Variants in MAP2 observed in about 807,000 individuals in gnomAD.
MAP2 encodes the protein microtubule associated protein 2, also known as microtubule-associated protein 2.
MAP2 carries 14 observed loss-of-function variants against 137.6 expected under a neutral mutation model. That is an observed-to-expected ratio of 0.10 (90% CI 0.07 to 0.16). MAP2 has a LOEUF of 0.16. Among genes scored for constraint, MAP2 ranks in the 10% least tolerant of loss-of-function variants. The probability of loss-of-function intolerance (pLI) is 1.00; values close to 1 mark genes in which losing one functional copy is unlikely to be tolerated. For missense variants in MAP2, 2,088 were observed against 2,191.5 expected (o/e 0.95, Z 0.94); for synonymous variants, 786 against 782.3 (o/e 1.00, Z -0.08).
chr2:209,550,776 C>G (rs923591252), intron 2 of MAP2, among the ~76,000 whole-genome samples: 1 of 152,170 alleles, frequency 6.6e-6, no homozygotes, highest in Non-Finnish European at 1.5e-5. Context: ...TCTGGAAACA[C>G]TTCCTACTTG....
At chr2:209,700,044 T>C (rs535053237) in intron 10 of MAP2, among the ~76,000 whole-genome samples, 1 of 152,364 alleles carries the variant, frequency 6.6e-6, no homozygotes, top group South Asian at 2.1e-4. Flanking sequence ...TGTGCTTACC[T>C]GCACTTTGGT....
intron 15 of MAP2, 32 bp downstream of exon 15, chr2:209,729,994 T>TC (rs1491073747): frequency 8.0e-6 from 10 of 1,248,746 alleles, no homozygotes; most frequent in Non-Finnish European, 1.1e-5. Context: ...CAATCTTGTC[T>TC]TTTTAAAAAA....
intron 11 of MAP2, among the ~76,000 whole-genome samples, chr2:209,703,407 C>G (rs1489601373): frequency 6.6e-6 from 1 of 151,962 alleles, no homozygotes; most frequent in Non-Finnish European, 1.5e-5. Flanking sequence ...ACCTTAAAGG[C>G]TGTGTTTATT....
At chr2:209,636,995 C>T (rs905987178) in intron 4 of MAP2, among the ~76,000 whole-genome samples, 3 of 152,134 alleles carry the variant, frequency 2.0e-5, no homozygotes, top group African/African-American at 7.2e-5. Flanking sequence ...TGTAGAGCTT[C>T]GTCAGGTGAA....
At chr2:209,633,442 A>G (rs1464974468) in intron 4 of MAP2, among the ~76,000 whole-genome samples, 2 of 152,168 alleles carry the variant, frequency 1.3e-5, no homozygotes, top group African/African-American at 4.8e-5. Flanking sequence ...ACCGCTTCCA[A>G]AACCATGTTA....
intron 1 of MAP2, among the ~76,000 whole-genome samples, chr2:209,484,700 A>G (rs1303690594): frequency 1.3e-5 from 2 of 152,134 alleles, no homozygotes; most frequent in African/African-American, 4.8e-5. Context: ...AAACAAACAA[A>G]CAAACAAAAA....
intron 2 of MAP2, among the ~76,000 whole-genome samples, chr2:209,571,768 C>G (rs776857495): frequency 2.6e-4 from 39 of 151,902 alleles, no homozygotes; most frequent in Admixed American, 2.2e-3. Context: ...ATTTCATGAG[C>G]TTAGGTGGTA....
At chr2:209,656,879 T>G (rs2095182221) in intron 5 of MAP2, among the ~76,000 whole-genome samples, 1 of 152,198 alleles carries the variant, frequency 6.6e-6, no homozygotes, top group South Asian at 2.1e-4. Flanking sequence ...GTCACCTGAA[T>G]AGTGAACATT....
At chr2:209,575,858 G>A (rs1275473877) in intron 2 of MAP2, among the ~76,000 whole-genome samples, 1 of 152,124 alleles carries the variant, frequency 6.6e-6, no homozygotes, top group African/African-American at 2.4e-5. Context: ...TAAGTGCTAT[G>A]GAAAAAAGTA....
intron 1 of MAP2, among the ~76,000 whole-genome samples, chr2:209,495,548 T>C (rs939912612): frequency 1.1e-4 from 16 of 152,180 alleles, no homozygotes; most frequent in African/African-American, 3.6e-4. Flanking sequence ...GCAAAGAGGG[T>C]CTGGAGTGGA....
chr2:209,573,087 CAG>C (rs2074670897), intron 2 of MAP2, among the ~76,000 whole-genome samples: 1 of 152,074 alleles, frequency 6.6e-6, no homozygotes, highest in African/African-American at 2.4e-5. Context: ...CCACATGAAT[CAG>C]AGTCTCATGG....
chr2:209,725,804 T>G lies in MAP2; in HGVS notation c.5155+14T>G. ...GCCACAGGCCAGGTAAATAAATAAT[T>G]TTTAGTAGTTTGAGAAATATTTAAC... On this transcript the variant is annotated intron_variant, in intron 14 of 15. Transcript: ENST00000682079. 1.3e-6 allele frequency: 2 copies of G among 1,539,796 alleles called. No individual in the cohort carries two copies. The highest frequency in any genetic ancestry group is 1.8e-6 in the Non-Finnish European group (2 of 1,140,056).
At chr2:209,557,833 A>C (rs956543840) in intron 2 of MAP2, among the ~76,000 whole-genome samples, 4 of 152,150 alleles carry the variant, frequency 2.6e-5, no homozygotes, top group Admixed American at 6.5e-5. Flanking sequence ...AGGGAGTTAG[A>C]ATTCGGCTTA....
chr2:209,448,027 G>T (rs1699487958), intron 1 of MAP2, among the ~76,000 whole-genome samples: 1 of 152,040 alleles, frequency 6.6e-6, no homozygotes, highest in Non-Finnish European at 1.5e-5. Flanking sequence ...CAAGCTGTCT[G>T]GTGATTCAGA....
At chr2:209,536,077 T>A (rs1456826630) in intron 2 of MAP2, among the ~76,000 whole-genome samples, 7 of 152,214 alleles carry the variant, frequency 4.6e-5, no homozygotes, top group Non-Finnish European at 2.9e-5. Context: ...AAATTGGTAT[T>A]TTAACTATTA....
In MAP2 at chr2:209,653,309, G is replaced by A. The variant is rs771280922; in HGVS notation, c.139G>A (p.Gly47Arg). 5.6e-6 allele frequency: 9 copies of A among 1,614,146 alleles called. No homozygotes were observed. The Admixed American group carries it at 1.5e-4, about 27-fold the overall frequency. ...GGAAGGACTTGTCCGAAGCGCCAAT[G>A]GATTCCCATACAGGGAGGATGAAGA... The part of the protein sequence containing the change: ...AGEGLVRSAN[G>R]FPYREDEEGA... Residue 47 changes from glycine (G) to arginine (R), a missense_variant, in exon 5 of 16, where the codon GGA becomes AGA. This residue lies in a region of MAP2 where 859 missense variants were observed against 794.5 expected (regional missense o/e 1.08). Coordinates refer to ENST00000682079, the MANE Select transcript of MAP2 (RefSeq NM_001375505.1).
intron 2 of MAP2, among the ~76,000 whole-genome samples, chr2:209,522,543 TCAAG>T (rs1327338119): frequency 7.9e-5 from 12 of 152,244 alleles, no homozygotes; most frequent in Non-Finnish European, 1.3e-4. Context: ...TGCTGTATAA[TCAAG>T]CATTGTATTT....
intron 1 of MAP2, among the ~76,000 whole-genome samples, chr2:209,483,751 G>T (rs2058017222): frequency 6.6e-6 from 1 of 152,146 alleles, no homozygotes; most frequent in Admixed American, 6.5e-5. Flanking sequence ...GCCAGAGTTT[G>T]TGTTAGTTTT....
At chr2:209,451,607 C>T (rs997453159) in intron 1 of MAP2, among the ~76,000 whole-genome samples, 3 of 152,136 alleles carry the variant, frequency 2.0e-5, no homozygotes, top group African/African-American at 7.2e-5. Context: ...TAACCTTATC[C>T]GTAGCTCTTT....
Sources: gnomAD v4.1 joint callset for allele counts (sites outside exome capture counted in the v4.1 genomes callset) on GRCh38, gnomAD v4.1.1 for gene constraint, gnomAD v4.1.1 regional missense constraint, MANE v1.5 for transcripts, NCBI Gene and HGNC (gene_info 2026-07-23, HGNC 2026-07-21) for gene names.